TMEM178B: variants seen among roughly 807,000 people sequenced by gnomAD.
TMEM178B encodes the protein transmembrane protein 178B.
Under a neutral mutation model 31.0 loss-of-function variants are expected in TMEM178B, and 5 were observed. The ratio of observed to expected loss-of-function variants is 0.16; its 90% CI spans 0.08 to 0.34. The LOEUF is 0.34. Among genes scored for constraint, TMEM178B ranks in the 10% least tolerant of loss-of-function variants. TMEM178B has a pLI of 1.00. For synonymous variants in TMEM178B, 164 were observed against 164.0 expected, an observed-to-expected ratio of 1.00 and a Z score of 0.00; for missense variants, 275 against 400.3, an observed-to-expected ratio of 0.69 and a Z score of 2.67.
intron 1 of TMEM178B, among the ~76,000 whole-genome samples, chr7:141,202,813 A>G (rs1294012455): frequency 6.6e-6 from 1 of 152,010 alleles, no homozygotes; most frequent in East Asian, 1.9e-4. Context: ...GCTCCTGTCA[A>G]CATTGCCGGT....
At chr7:141,501,052 T>G in the TMEM178B span, among the ~76,000 whole-genome samples, 1 of 152,216 alleles carries the variant, frequency 6.6e-6, no homozygotes, top group Non-Finnish European at 1.5e-5. Context: ...CTTGTATAGT[T>G]TGTTATCTCT....
Position 141,418,927 on chromosome 7 carries a change from A to T in TMEM178B, c.497-18681A>T, listed in dbSNP as rs183685082. Among the ~76,000 whole-genome samples, 7 of 113,692 alleles carry T rather than the reference A, an allele frequency of 6.2e-5. No individual in the cohort carries two copies. In the East Asian group the frequency reaches 1.8e-3, roughly 29 times the overall value. 74.6% of individuals were successfully genotyped at this position (113,692 alleles called of 152,430 possible). ...TATTTTTATTTATTTATTTATTTTT[A>T]GAAGAAGTCTCACTCTGTTGCCTAG... On this transcript the variant is annotated intron_variant, in intron 2 of 3. Coordinates refer to ENST00000565468, the MANE Select transcript of TMEM178B (RefSeq NM_001195278.2).
intron 1 of TMEM178B, among the ~76,000 whole-genome samples, chr7:141,078,066 G>A (rs1308662388): frequency 6.6e-6 from 1 of 152,090 alleles, no homozygotes; most frequent in Admixed American, 6.5e-5. Flanking sequence ...CCATTTGTTG[G>A]CATCCATGAC....
intron 1 of TMEM178B, among the ~76,000 whole-genome samples, chr7:141,185,517 C>T (rs1273379148): frequency 1.3e-5 from 2 of 152,158 alleles, no homozygotes; most frequent in South Asian, 2.1e-4. Context: ...TTGGTGTGCT[C>T]CCAACATGCC....
At position 141,367,768 on chromosome 7, in the gene TMEM178B, G is replaced by C. The variant is rs1800036378; in HGVS notation, c.497-69840G>C. 2.6e-5 allele frequency among the ~76,000 whole-genome samples: 4 copies of C among 152,192 alleles called. No homozygotes were observed. In the South Asian group the frequency reaches 8.3e-4, roughly 32 times the overall value. On this transcript the variant is annotated intron_variant, in intron 2 of 3. Coordinates refer to ENST00000565468, the MANE Select transcript of TMEM178B (RefSeq NM_001195278.2). ...CCTCTCTTGGGAAGCAGAGGGAGGAGACTGAGGGGTTTCCTATGGGACAGG... is the reference window on the plus strand; with the variant it reads ...CCTCTCTTGGGAAGCAGAGGGAGGACACTGAGGGGTTTCCTATGGGACAGG...
intron 1 of TMEM178B, among the ~76,000 whole-genome samples, chr7:141,120,063 T>C (rs1282892338): frequency 6.6e-6 from 1 of 152,200 alleles, no homozygotes; most frequent in Non-Finnish European, 1.5e-5. Flanking sequence ...TTTTTCTCCA[T>C]ATCTGTAGGC....
chr7:141,506,434 A>C, the TMEM178B span, among the ~76,000 whole-genome samples: 1 of 152,210 alleles, frequency 6.6e-6, no homozygotes. Context: ...CACTTCTTAC[A>C]TGGTGACGGC....
chr7:141,502,001 A>G, the TMEM178B span, among the ~76,000 whole-genome samples: 3 of 152,100 alleles, frequency 2.0e-5, no homozygotes, highest in Non-Finnish European at 4.4e-5. Flanking sequence ...TTGTACCTTC[A>G]AAGCTGAGAG....
At chr7:141,199,648 G>A (rs1380154850) in intron 1 of TMEM178B, among the ~76,000 whole-genome samples, 3 of 152,080 alleles carry the variant, frequency 2.0e-5, no homozygotes, top group Non-Finnish European at 1.5e-5. Flanking sequence ...GTGCCATGGT[G>A]CCATCATAGG....
At chr7:141,246,512 A>G (rs1275747450) in intron 2 of TMEM178B, among the ~76,000 whole-genome samples, 2 of 152,258 alleles carry the variant, frequency 1.3e-5, no homozygotes, top group East Asian at 3.8e-4. Context: ...TTGGCTAAAT[A>G]TGTAAGACAC....
At chr7:141,287,435 T>C (rs576901752) in intron 2 of TMEM178B, among the ~76,000 whole-genome samples, 1 of 152,334 alleles carries the variant, frequency 6.6e-6, no homozygotes, top group South Asian at 2.1e-4. Flanking sequence ...CCCTCAACCC[T>C]TTTTGGAATG....
At chr7:141,228,434 GA>G (rs1028704054) in intron 2 of TMEM178B, among the ~76,000 whole-genome samples, 12 of 151,518 alleles carry the variant, frequency 7.9e-5, no homozygotes, top group South Asian at 4.2e-4. Context: ...CATGAAGGGG[GA>G]AAAAAATCAA....
At chr7:141,291,212 G>T (rs1798540601) in intron 2 of TMEM178B, among the ~76,000 whole-genome samples, 1 of 152,160 alleles carries the variant, frequency 6.6e-6, no homozygotes, top group African/African-American at 2.4e-5. Context: ...CTGGAGGAGT[G>T]TTCTGTACTC....
chr7:141,392,297 A>G (rs1361032288), intron 2 of TMEM178B, among the ~76,000 whole-genome samples: 1 of 152,224 alleles, frequency 6.6e-6, no homozygotes, highest in East Asian at 1.9e-4. Context: ...TCAATTCCAT[A>G]TCATGCACAA....
chr7:141,120,671 C>G, intron 1 of TMEM178B, among the ~76,000 whole-genome samples: 1 of 151,998 alleles, frequency 6.6e-6, no homozygotes, highest in Non-Finnish European at 1.5e-5. Context: ...AAATAATATA[C>G]TTTGCTGGAT....
chr7:141,074,226 G>T lies in TMEM178B; in HGVS notation c.-85G>T. On this transcript the variant is annotated 5_prime_UTR_variant, in exon 1 of 4. Transcript: ENST00000565468. This position sits in a 1 kb window ranked among gnomAD's most constrained non-coding sequence, Gnocchi z 5.1. ...CTCTCCTGCCCCCTCCCCCAGCTCG[G>T]CCGCCCGCCGCTTTGTTCCGGGTGC... 1 of 1,435,124 alleles carries T rather than the reference G, an allele frequency of 7.0e-7. No homozygotes were observed. The highest frequency in any genetic ancestry group is 9.1e-7 in the Non-Finnish European group (1 of 1,097,806). The allele number at this position is 1,435,124 out of a possible 1,614,324, so 88.9% of individuals were successfully genotyped here.
intron 1 of TMEM178B, among the ~76,000 whole-genome samples, chr7:141,209,578 T>C (rs1797018177): frequency 6.6e-6 from 1 of 152,172 alleles, no homozygotes; most frequent in South Asian, 2.1e-4. Flanking sequence ...AAGATAAAGA[T>C]GAATGAATAA....
intron 2 of TMEM178B, among the ~76,000 whole-genome samples, chr7:141,232,380 G>C (rs911798139): frequency 1.3e-5 from 2 of 152,092 alleles, no homozygotes. Flanking sequence ...TTGAGGAGTC[G>C]TCACACTGTC....
Position 141,437,710 on chromosome 7 carries a change from T to G in TMEM178B, c.599T>G (p.Met200Arg). 3 of 1,536,224 alleles carry G rather than the reference T, an allele frequency of 2.0e-6. No homozygotes were observed. The highest frequency in any genetic ancestry group is 1.7e-6 in the Non-Finnish European group (2 of 1,146,908). ...VLGCCWDRGL[M>R]QYVAGLLFLM... ...GGCTGCTGCTGGGACCGAGGCCTTA[T>G]GCAGTACGTGGCAGGGCTGCTCTTC... Residue 200 changes from methionine (M) to arginine (R), a missense_variant, in exon 3 of 4, where the codon ATG (methionine) becomes AGG (arginine). Transcript: ENST00000565468.
Sources: allele counts gnomAD v4.1 joint callset (sites outside exome capture counted in the v4.1 genomes callset), GRCh38; gene constraint gnomAD v4.1.1; non-coding constraint Gnocchi (gnomAD v3.1); transcripts MANE v1.5; gene names NCBI Gene and HGNC (gene_info 2026-07-23, HGNC 2026-07-21).